NEBL: variants seen among roughly 807,000 people sequenced by gnomAD.
NEBL encodes LIM and SH3 protein 2.
NEBL carries 122 observed loss-of-function variants against 140.2 expected under a neutral mutation model. The observed-to-expected ratio is 0.87, with a 90% CI of 0.75 to 1.01. The LOEUF (loss-of-function observed/expected upper bound fraction) is 1.01, where lower values mean the gene tolerates loss of function less well. NEBL is among the 50% of genes least tolerant of loss of function. The pLI is 0.00. For missense variants in NEBL, 1,365 were observed against 1,231.3 expected (o/e 1.11, Z -1.62); for synonymous variants, 436 against 398.9 (o/e 1.09, Z -1.11).
intron 8 of NEBL, among the ~76,000 whole-genome samples, chr10:20,858,867 C>A (rs1442180686): frequency 6.6e-6 from 1 of 152,224 alleles, no homozygotes; most frequent in South Asian, 2.1e-4. Flanking sequence ...TCCACAATAA[C>A]CTCTTTATTA....
intron 4 of NEBL, among the ~76,000 whole-genome samples, chr10:20,917,593 G>A (rs1488849717): frequency 1.3e-5 from 2 of 152,114 alleles, no homozygotes; most frequent in Non-Finnish European, 2.9e-5. Flanking sequence ...GAGACAATGT[G>A]GATCTTAGAA....
chr10:21,057,282 G>A lies in NEBL; in HGVS notation c.165-37081C>T, dbSNP rs367569282. 6.0e-4 allele frequency among the ~76,000 whole-genome samples: 91 copies of A among 152,070 alleles called. No individual in the cohort carries two copies. In the East Asian group the frequency reaches 7.4e-3, roughly 12 times the overall value. The stretch of plus-strand genomic sequence containing the variant: ...GAAGGGTTGCTCTTTGACTTTTGGC[G>A]GTAAGGCAGAGTAATGTGTGTAAGT... On this transcript the variant is annotated intron_variant, in intron 2 of 6. Coordinates refer to the NEBL transcript ENST00000417816.
chr10:21,122,102 T>G (rs933049361), intron 2 of NEBL, among the ~76,000 whole-genome samples: 2 of 151,940 alleles, frequency 1.3e-5, no homozygotes, highest in African/African-American at 4.8e-5. Flanking sequence ...CTCGGCTCAC[T>G]GAAACCTCCA....
intron 2 of NEBL, chr10:21,172,017 C>T: frequency 3.5e-6 from 1 of 289,740 alleles, no homozygotes; most frequent in South Asian, 3.8e-5. Context: ...TGGCAACATC[C>T]TATGATTAAA....
Position 21,166,194 on chromosome 10 carries a change from T to C in NEBL, c.164+6189A>G, listed in dbSNP as rs1840754570. Among the ~76,000 whole-genome samples, 7 of 117,740 alleles carry C rather than the reference T, an allele frequency of 5.9e-5. No homozygotes were observed. The Admixed American group carries it at 8.8e-4, about 15-fold the overall frequency. 77.2% of individuals were successfully genotyped at this position (117,740 alleles called of 152,430 possible). A position where few individuals can be genotyped will look rare whatever the true frequency, so the allele number is the denominator to read the frequency against. ...GAGATCAAGCCACTGCACTCCAGCC[T>C]GGGCGACAGAGCGAGACTGTGTCTC... On this transcript the variant is annotated intron_variant, in intron 2 of 6. Coordinates refer to the NEBL transcript ENST00000417816.
intron 2 of NEBL, among the ~76,000 whole-genome samples, chr10:21,083,629 G>C (rs1173810041): frequency 2.0e-5 from 3 of 152,142 alleles, no homozygotes; most frequent in East Asian, 3.9e-4. Flanking sequence ...AGGATCACTT[G>C]AGCTCAGGAG....
intron 12 of NEBL, among the ~76,000 whole-genome samples, chr10:20,842,892 C>T (rs1386353521): frequency 1.3e-5 from 2 of 152,040 alleles, no homozygotes; most frequent in African/African-American, 2.4e-5. Context: ...GCCTCTGTAA[C>T]CACCATTCTA....
At chr10:21,231,985 A>C (rs780735140) in intron 3 of NEBL, among the ~76,000 whole-genome samples, 1 of 152,182 alleles carries the variant, frequency 6.6e-6, no homozygotes, top group African/African-American at 2.4e-5. Context: ...GTGTTAAAAT[A>C]GGGATCATAA....
At chr10:21,189,573 T>C (rs1181271916) in intron 3 of NEBL, among the ~76,000 whole-genome samples, 5 of 152,184 alleles carry the variant, frequency 3.3e-5, no homozygotes, top group Admixed American at 1.3e-4. Context: ...CCCGCCAGTC[T>C]CCTGCCTCAG....
chr10:20,932,710 C>T (rs568710924), intron 4 of NEBL, among the ~76,000 whole-genome samples: 11 of 152,308 alleles, frequency 7.2e-5, no homozygotes, highest in Non-Finnish European at 1.5e-4. Flanking sequence ...CTTGCTATTA[C>T]GTATATTTAC....
chr10:20,798,373 C>T (rs1836781498), intron 26 of NEBL, among the ~76,000 whole-genome samples: 1 of 152,130 alleles, frequency 6.6e-6, no homozygotes. Context: ...TGTGGGGCAC[C>T]TGGCTGAAAT....
At chr10:21,292,520 T>A (rs897870060) in intron 1 of NEBL, among the ~76,000 whole-genome samples, 2 of 152,184 alleles carry the variant, frequency 1.3e-5, no homozygotes, top group Non-Finnish European at 2.9e-5. Flanking sequence ...AAAGTAACAT[T>A]CGGGACTTTT....
chr10:21,190,330 G>A (rs2132216140), intron 3 of NEBL, among the ~76,000 whole-genome samples: 1 of 150,688 alleles, frequency 6.6e-6, no homozygotes, highest in East Asian at 1.9e-4. Flanking sequence ...AAAAAAAAAT[G>A]TTTAATTATC....
chr10:20,903,102 C>A (rs1019020475), intron 4 of NEBL, among the ~76,000 whole-genome samples: 2 of 152,038 alleles, frequency 1.3e-5, no homozygotes, highest in African/African-American at 4.8e-5. Flanking sequence ...CCAAGCCCCC[C>A]AATAGAAGCC....
intron 3 of NEBL, among the ~76,000 whole-genome samples, chr10:21,192,941 G>A (rs921536494): frequency 1.7e-4 from 26 of 152,040 alleles, no homozygotes. Context: ...GACGTGATGA[G>A]AGTCCCTAGA....
At chr10:21,242,890 G>A (rs921095853) in intron 3 of NEBL, among the ~76,000 whole-genome samples, 1 of 152,142 alleles carries the variant, frequency 6.6e-6, no homozygotes, top group African/African-American at 2.4e-5. Flanking sequence ...CAATGTTTGG[G>A]GGTGAGAAGA....
At chr10:21,252,632 T>C (rs1367717688) in intron 1 of NEBL, among the ~76,000 whole-genome samples, 7 of 152,102 alleles carry the variant, frequency 4.6e-5, no homozygotes, top group African/African-American at 1.7e-4. Flanking sequence ...CATCGAAGCA[T>C]ATACAAGTAG....
chr10:20,939,974 A>C (rs1589045597), intron 4 of NEBL, among the ~76,000 whole-genome samples: 2 of 151,498 alleles, frequency 1.3e-5, no homozygotes, highest in South Asian at 4.2e-4. Flanking sequence ...AGACTCCCAC[A>C]CAATAATAAT....
At chr10:20,841,665 A>T (rs1841422898) in intron 12 of NEBL, 1 of 152,144 alleles carries the variant, frequency 6.6e-6, no homozygotes, top group Non-Finnish European at 1.5e-5. Context: ...CTAGGTTGCA[A>T]ATGACAGAAA....
Sources: gnomAD v4.1 joint callset for allele counts (sites outside exome capture counted in the v4.1 genomes callset) on GRCh38, gnomAD v4.1.1 for gene constraint, MANE v1.5 for transcripts, NCBI Gene and HGNC (gene_info 2026-07-23, HGNC 2026-07-21) for gene names.